The following NR6A1 variants were observed in gnomAD, a reference collection of about 807,000 sequenced individuals.
NR6A1 encodes nuclear receptor subfamily 6 group A member 1.
Under a neutral mutation model 59.1 loss-of-function variants are expected in NR6A1, and 7 were observed. The observed-to-expected ratio is 0.12, with a 90% CI of 0.07 to 0.22. The LOEUF (loss-of-function observed/expected upper bound fraction) is 0.22. Among genes scored for constraint, NR6A1 ranks in the 10% least tolerant of loss-of-function variants. The probability of loss-of-function intolerance (pLI) is 1.00; values close to 1 mark genes in which losing one functional copy is unlikely to be tolerated. For synonymous variants in NR6A1, 243 were observed against 236.1 expected, an observed-to-expected ratio of 1.03 and a Z score of -0.27; for missense variants, 468 against 611.6, an observed-to-expected ratio of 0.77 and a Z score of 2.48.
At chr9:124,533,776 A>G (rs1833167108) in intron 7 of NR6A1, among the ~76,000 whole-genome samples, 1 of 151,572 alleles carries the variant, frequency 6.6e-6, no homozygotes, top group African/African-American at 2.4e-5. Context: ...TCAGCCTCCC[A>G]AGCAGCTGGG....
chr9:124,612,821 T>C (rs190058770), intron 2 of NR6A1, among the ~76,000 whole-genome samples: 31 of 148,408 alleles, frequency 2.1e-4, no homozygotes, highest in South Asian at 1.1e-3. Context: ...TTCTTTCTTT[T>C]CTTTCTTTCT....
chr9:124,576,743 TA>T (rs1834608275), intron 2 of NR6A1, among the ~76,000 whole-genome samples: 1 of 152,156 alleles, frequency 6.6e-6, no homozygotes, highest in Non-Finnish European at 1.5e-5. Context: ...AGAGTGCTGG[TA>T]AATGGAGATG....
intron 2 of NR6A1, among the ~76,000 whole-genome samples, chr9:124,665,366 T>C (rs992232896): frequency 5.9e-5 from 9 of 152,102 alleles, no homozygotes; most frequent in Non-Finnish European, 8.8e-5. Context: ...TGCTAAACTA[T>C]AAGATCTTAA....
rs1413537195 is a variant in NR6A1 at position 124,522,760 on chromosome 9, G to A, written c.1388C>T (p.Pro463Leu). The A allele has an allele frequency of 6.3e-7, 1 of 1,594,354 alleles. No homozygotes were observed. Among genetic ancestry groups the A allele is most frequent in the Non-Finnish European group, 8.5e-7 (1 of 1,170,470 alleles). Residue 463 changes from proline to leucine, a missense_variant, in exon 10 of 10, where the codon CCC becomes CTC. This residue lies in a region of NR6A1 where 176 missense variants were observed against 264.0 expected (regional missense o/e 0.67). Transcript: ENST00000487099. ...KMVNVPLEQL[P>L]LLFKVVLHSC... is the part of the protein sequence containing the mutation. The stretch of plus-strand genomic sequence containing the variant: ...ATGCAGCACCACCTTAAAGAGGAGG[G>A]GCAGCTGCTCCAGGGGCACATTCAC...
At chr9:124,710,789 C>T (rs1839256402) in intron 2 of NR6A1, among the ~76,000 whole-genome samples, 1 of 152,192 alleles carries the variant, frequency 6.6e-6, no homozygotes, top group Non-Finnish European at 1.5e-5. Context: ...TCCGCAATTG[C>T]ACACGTAAGA....
intron 2 of NR6A1, among the ~76,000 whole-genome samples, chr9:124,580,210 A>G (rs1157546102): frequency 2.6e-5 from 4 of 152,256 alleles, no homozygotes; most frequent in East Asian, 3.8e-4. Context: ...CAACAAACAT[A>G]TAACAGAATA....
At chr9:124,533,825 A>C (rs2131339578) in intron 7 of NR6A1, among the ~76,000 whole-genome samples, 1 of 151,964 alleles carries the variant, frequency 6.6e-6, no homozygotes, top group Middle Eastern at 3.4e-3. Context: ...TAATTTTTGT[A>C]TTTTTAGTAG....
intron 2 of NR6A1, among the ~76,000 whole-genome samples, chr9:124,614,360 G>T (rs1835833589): frequency 6.6e-6 from 1 of 152,144 alleles, no homozygotes; most frequent in Non-Finnish European, 1.5e-5. Context: ...AATAGTTTCT[G>T]TCTCCACCAG....
intron 2 of NR6A1, among the ~76,000 whole-genome samples, chr9:124,712,412 C>T (rs374225415): frequency 6.6e-6 from 1 of 151,996 alleles, no homozygotes; most frequent in Non-Finnish European, 1.5e-5. Context: ...AGCTGGAGAC[C>T]GGACTGGTCA....
At chr9:124,749,646 CG>C (rs1840439065) in intron 1 of NR6A1, among the ~76,000 whole-genome samples, 1 of 152,052 alleles carries the variant, frequency 6.6e-6, no homozygotes, top group Non-Finnish European at 1.5e-5. Context: ...ACTCCAGCCT[CG>C]AACTTCTGAC....
chr9:124,587,010 T>C (rs1054135607), intron 2 of NR6A1, among the ~76,000 whole-genome samples: 7 of 152,198 alleles, frequency 4.6e-5, no homozygotes, highest in African/African-American at 1.7e-4. Context: ...GAGGAGTCAA[T>C]CAATAAAATC....
chr9:124,618,695 C>T (rs1339774547), intron 2 of NR6A1, among the ~76,000 whole-genome samples: 1 of 152,086 alleles, frequency 6.6e-6, no homozygotes, highest in Admixed American at 6.6e-5. Context: ...AGGGAAATAC[C>T]ACATCCTTAC....
intron 2 of NR6A1, among the ~76,000 whole-genome samples, chr9:124,679,334 T>C (rs1838053983): frequency 6.6e-6 from 1 of 152,166 alleles, no homozygotes; most frequent in South Asian, 2.1e-4. Context: ...TCCAAACTGA[T>C]TTGTTAAGCT....
At chr9:124,745,741 G>C (rs1012323599) in intron 1 of NR6A1, among the ~76,000 whole-genome samples, 3 of 150,390 alleles carry the variant, frequency 2.0e-5, no homozygotes, top group African/African-American at 4.9e-5. Context: ...CTAGCTTTGG[G>C]AGGCTAAGGC....
rs71372979 is a variant in NR6A1 at position 124,630,210 on chromosome 9, G to GTTTTTTTTT, written c.143-75649_143-75641dup. Among the ~76,000 whole-genome samples the GTTTTTTTTT allele has an allele frequency of 6.3e-5, 6 of 95,360 alleles. No homozygotes were observed. The East Asian group carries it at 9.7e-4, about 15-fold the overall frequency. The allele number at this position is 95,360 out of a possible 152,430, so 62.6% of individuals were successfully genotyped here. A position where few individuals can be genotyped will look rare whatever the true frequency, so the allele number is the denominator to read the frequency against. Reference sequence around the variant, plus strand: ...TCTGAACTCCAGTTCCTCCAAATCAGTTTTTTTTTTTTTTTTTTTTTTGAG... The same window carrying GTTTTTTTTT: ...TCTGAACTCCAGTTCCTCCAAATCAGTTTTTTTTTTTTTTTTTTTTTTTTTTTTTTTGAG... On this transcript the variant is annotated intron_variant, in intron 2 of 9. Transcript: ENST00000487099.
At chr9:124,758,218 G>T (rs1588859430) in intron 1 of NR6A1, among the ~76,000 whole-genome samples, 2 of 152,284 alleles carry the variant, frequency 1.3e-5, no homozygotes, top group South Asian at 4.1e-4. Flanking sequence ...CCAGTAAAAT[G>T]ATTGATGAAT....
intron 2 of NR6A1, among the ~76,000 whole-genome samples, chr9:124,590,329 T>C (rs1835079048): frequency 6.6e-6 from 1 of 151,274 alleles, no homozygotes. Context: ...TCACAAGAAA[T>C]ACCTAGCAAA....
At chr9:124,690,431 G>T (rs1838498978) in intron 2 of NR6A1, among the ~76,000 whole-genome samples, 1 of 152,160 alleles carries the variant, frequency 6.6e-6, no homozygotes, top group Middle Eastern at 3.2e-3. Context: ...CTCTGGAAAA[G>T]AAAGGAGGTA....
chr9:124,692,076 C>G (rs984118631), intron 2 of NR6A1, among the ~76,000 whole-genome samples: 2 of 152,140 alleles, frequency 1.3e-5, no homozygotes, highest in Non-Finnish European at 1.5e-5. Context: ...GTTTTTTCAT[C>G]AGGAAAATGT....
Sources: gnomAD v4.1 joint callset for allele counts (sites outside exome capture counted in the v4.1 genomes callset) on GRCh38, gnomAD v4.1.1 for gene constraint, gnomAD v4.1.1 regional missense constraint, MANE v1.5 for transcripts, NCBI Gene and HGNC (gene_info 2026-07-23, HGNC 2026-07-21) for gene names.